The following MYCBP2 variants were observed in gnomAD, a reference collection of about 807,000 sequenced individuals.
MYCBP2 encodes the protein MYC binding protein 2, also known as E3 ubiquitin-protein ligase MYCBP2.
Under a neutral mutation model 525.3 loss-of-function variants are expected in MYCBP2, and 120 were observed. The ratio of observed to expected loss-of-function variants is 0.23; its 90% CI spans 0.20 to 0.27. The LOEUF is 0.27. Ranked by LOEUF, MYCBP2 falls within the 10% of genes least tolerant of loss-of-function variation. The pLI, the probability that MYCBP2 is intolerant of heterozygous loss-of-function variation, is 1.00. For synonymous variants in MYCBP2, 1,894 were observed against 1,955.8 expected (o/e 0.97, Z 0.83); for missense variants, 4,149 against 5,657.1 (o/e 0.73, Z 8.55).
chr13:77,233,161 T>C lies in MYCBP2; in HGVS notation c.2732A>G (p.His911Arg), dbSNP rs1476483063. ...PAQLKHKRDK[H>R]KDGSGERGEK... ...TGATAAGGAAGACCAAATACCTTTG[T>C]GCTTGTCCCGTTTATGCTTTAGCTG... The change falls in exon 18 of 83, where the codon CAC becomes CGC. Residue 911 changes from histidine to arginine, a missense_variant. This residue lies in a region of MYCBP2 where 620 missense variants were observed against 795.5 expected (regional missense o/e 0.78). Coordinates refer to ENST00000544440, the MANE Select transcript of MYCBP2 (RefSeq NM_015057.5). 1 of 1,613,386 alleles carries C rather than the reference T, an allele frequency of 6.2e-7. No individual in the cohort carries two copies. The highest frequency in any genetic ancestry group is 1.7e-5 in the Admixed American group (1 of 59,982).
chr13:77,181,902 G>C lies in MYCBP2; in HGVS notation c.4740C>G (p.Phe1580Leu). The part of the protein sequence containing the change: ...CLDQDIQEAN[F>L]KTSSSRLLAA... ...CAAGGAGTCGGCTACTTGATGTCTT[G>C]AAGTTTGCTTCTTGGATATCCTTTT... The change falls in exon 33 of 83, where the codon TTC becomes TTG. Residue 1580 changes from phenylalanine to leucine, a missense_variant. This residue lies in a region of MYCBP2 where 292 missense variants were observed against 330.5 expected (regional missense o/e 0.88). Transcript: ENST00000544440. The C allele has an allele frequency of 1.2e-6, 2 of 1,613,682 alleles. No homozygotes were observed. The highest frequency in any genetic ancestry group is 1.7e-6 in the Non-Finnish European group (2 of 1,179,976).
At chr13:77,249,696 A>G (rs2070780447) in intron 15 of MYCBP2, among the ~76,000 whole-genome samples, 1 of 152,192 alleles carries the variant, frequency 6.6e-6, no homozygotes, top group Non-Finnish European at 1.5e-5. Flanking sequence ...CACCCAGCTA[A>G]CACTGAATTT....
intron 50 of MYCBP2, among the ~76,000 whole-genome samples, chr13:77,140,525 A>C (rs930452299): frequency 6.6e-6 from 1 of 151,200 alleles, no homozygotes; most frequent in African/African-American, 2.4e-5. Flanking sequence ...GCCTGTACTT[A>C]CTCTTTAGAT....
intron 1 of MYCBP2, among the ~76,000 whole-genome samples, chr13:77,314,220 C>T (rs1012243414): frequency 1.3e-5 from 2 of 152,162 alleles, no homozygotes; most frequent in Non-Finnish European, 2.9e-5. Flanking sequence ...ATATGTACTT[C>T]AAAACATCAT....
chr13:77,305,783 C>T (rs2079340973), intron 1 of MYCBP2, among the ~76,000 whole-genome samples: 1 of 151,826 alleles, frequency 6.6e-6, no homozygotes, highest in South Asian at 2.1e-4. Flanking sequence ...ACAAAAGAAA[C>T]AAAACATATG....
chr13:77,137,001 CA>C (rs2053855294), intron 52 of MYCBP2, among the ~76,000 whole-genome samples: 1 of 151,916 alleles, frequency 6.6e-6, no homozygotes, highest in African/African-American at 2.4e-5. Context: ...ATGAAGAAAC[CA>C]AAAAAACCCT....
intron 18 of MYCBP2, among the ~76,000 whole-genome samples, chr13:77,227,103 C>T (rs1319396847): frequency 6.6e-6 from 1 of 151,986 alleles, no homozygotes; most frequent in Non-Finnish European, 1.5e-5. Flanking sequence ...ATTTCTTGAG[C>T]CCTTGGTTTG....
chr13:77,248,621 TAAG>T (rs1398900814), intron 15 of MYCBP2, among the ~76,000 whole-genome samples: 1 of 152,196 alleles, frequency 6.6e-6, no homozygotes, highest in Non-Finnish European at 1.5e-5. Flanking sequence ...TCATAAGTGT[TAAG>T]AAGGATGTGG....
intron 30 of MYCBP2, among the ~76,000 whole-genome samples, chr13:77,187,455 T>A (rs1360797793): frequency 6.6e-6 from 1 of 152,172 alleles, no homozygotes; most frequent in African/African-American, 2.4e-5. Context: ...AGTATGCACA[T>A]AAGTACACAA....
At chr13:77,303,595 C>CA (rs1293653811) in intron 1 of MYCBP2, among the ~76,000 whole-genome samples, 1 of 150,956 alleles carries the variant, frequency 6.6e-6, no homozygotes, top group South Asian at 2.1e-4. Flanking sequence ...GTTTGGCAAT[C>CA]AAAAAAACAA....
intron 56 of MYCBP2, among the ~76,000 whole-genome samples, chr13:77,096,941 A>G (rs1448156943): frequency 6.6e-6 from 1 of 152,162 alleles, no homozygotes; most frequent in Non-Finnish European, 1.5e-5. Flanking sequence ...TTTACTGAAA[A>G]TGCAGTCTTC....
In MYCBP2 at chr13:77,300,856, A is replaced by G. The variant is rs568333405; in HGVS notation, c.303-4182T>C. Among the ~76,000 whole-genome samples the G allele has an allele frequency of 9.2e-5, 14 of 152,330 alleles. No individual in the cohort carries two copies. In the East Asian group the frequency reaches 2.5e-3, roughly 27 times the overall value. The stretch of plus-strand genomic sequence containing the variant: ...TGAGGACTAAAAGAACAAAAAATCC[A>G]GAGGTGGAAGAGCACTTCCAAGGCA... On this transcript the variant is annotated intron_variant, in intron 1 of 82. Coordinates refer to ENST00000544440, the MANE Select transcript of MYCBP2 (RefSeq NM_015057.5).
At chr13:77,128,105 A>G (rs965645023) in intron 52 of MYCBP2, among the ~76,000 whole-genome samples, 7 of 151,898 alleles carry the variant, frequency 4.6e-5, no homozygotes, top group African/African-American at 1.7e-4. Context: ...ATATATTTGT[A>G]AGAATTTATA....
intron 46 of MYCBP2, among the ~76,000 whole-genome samples, chr13:77,151,942 T>C (rs1267916609): frequency 2.6e-5 from 4 of 152,244 alleles, no homozygotes; most frequent in Non-Finnish European, 5.9e-5. Context: ...ATCACCATTC[T>C]GAGCTTTACT....
intron 79 of MYCBP2, 69 bp from the exon 80 acceptor site, chr13:77,055,836 A>C: frequency 9.4e-7 from 1 of 1,060,262 alleles, no homozygotes; most frequent in African/African-American, 1.6e-5. Context: ...CTTAGCATGC[A>C]CCTAAGTGCC....
intron 18 of MYCBP2, among the ~76,000 whole-genome samples, chr13:77,230,067 T>G (rs531869311): frequency 1.3e-5 from 2 of 152,342 alleles, no homozygotes; most frequent in East Asian, 3.9e-4. Flanking sequence ...GTATTTTATA[T>G]GGAATTTTAC....
Position 77,181,695 on chromosome 13 carries a change from A to G in MYCBP2, c.4941+6T>C. 1.2e-6 allele frequency: 2 copies of G among 1,612,460 alleles called. No homozygotes were observed. The highest frequency in any genetic ancestry group is 1.1e-5 in the South Asian group (1 of 91,024). On this transcript the variant is annotated splice_donor_region_variant and intron_variant, in intron 33 of 82. Transcript: ENST00000544440. ...TCTGTATAAAAGATTTCAGAGACAGACCTACCTGGCTGAGTTTTTCCATAT... is the reference window on the plus strand; with the variant it reads ...TCTGTATAAAAGATTTCAGAGACAGGCCTACCTGGCTGAGTTTTTCCATAT...
At position 77,097,946 on chromosome 13, in the gene MYCBP2, T is replaced by A; in HGVS notation, c.9208A>T (p.Ser3070Cys). The A allele has an allele frequency of 6.2e-7, 1 of 1,613,076 alleles. No homozygotes were observed. The highest frequency in any genetic ancestry group is 1.1e-5 in the South Asian group (1 of 90,880). The change falls in exon 56 of 83, where the codon AGT becomes TGT. Residue 3070 changes from serine (S) to cysteine (C), a missense_variant. Transcript: ENST00000544440. ...GTAGGTTGTTGGCTATTTAAACTACTCCTTATAGGAGCATGTTCTTTGGAA... is the reference window on the plus strand; with the variant it reads ...GTAGGTTGTTGGCTATTTAAACTACACCTTATAGGAGCATGTTCTTTGGAA... ...ELSKEHAPIR[S>C]SLNSQQPTEE...
intron 53 of MYCBP2, among the ~76,000 whole-genome samples, 164 bp downstream of exon 53, chr13:77,126,150 CATTA>C (rs1233832727): frequency 6.6e-6 from 1 of 152,138 alleles, no homozygotes; most frequent in African/African-American, 2.4e-5. Context: ...TTATGCAAAT[CATTA>C]GACAGAAGCA....
Sources: gnomAD v4.1 joint callset for allele counts (sites outside exome capture counted in the v4.1 genomes callset) on GRCh38, gnomAD v4.1.1 for gene constraint, gnomAD v4.1.1 regional missense constraint, MANE v1.5 for transcripts, NCBI Gene and HGNC (gene_info 2026-07-23, HGNC 2026-07-21) for gene names.